ZNF197: variants seen among roughly 807,000 people sequenced by gnomAD.
ZNF197 encodes the protein zinc finger protein 197, also known as VHL-associated KRAB-A domain-containing protein.
ZNF197 carries 14 observed loss-of-function variants against 27.4 expected under a neutral mutation model. The observed-to-expected ratio is 0.51, with a 90% CI of 0.34 to 0.80. The LOEUF (loss-of-function observed/expected upper bound fraction) is 0.80, where lower values mean the gene tolerates loss of function less well. ZNF197 is among the 30% of genes least tolerant of loss of function. ZNF197 has a pLI of 0.02. For synonymous variants in ZNF197, 415 were observed against 420.0 expected (o/e 0.99, Z 0.15); for missense variants, 1,090 against 1,222.6 (o/e 0.89, Z 1.62).
chr3:44,640,980 G>A lies in ZNF197; in HGVS notation c.770-920G>A, dbSNP rs560594951. ...CTCTCTCTGTTTAGATAGAAGAAAA[G>A]TATTGTTATATTCAAAGAGAAGATG... is the stretch of plus-strand genomic sequence containing the variant. On this transcript the variant is annotated intron_variant, in intron 5 of 5. Coordinates refer to ENST00000344387, the MANE Select transcript of ZNF197 (RefSeq NM_006991.5). The surrounding 1 kb of genome is among the most constrained non-coding windows in gnomAD (Gnocchi z 4.0). 2.6e-5 allele frequency among the ~76,000 whole-genome samples: 4 copies of A among 152,306 alleles called. No homozygotes were observed. The East Asian group carries it at 7.7e-4, about 29-fold the overall frequency.
Position 44,644,858 on chromosome 3 carries a change from A to T in ZNF197, c.*638A>T. The T allele has an allele frequency of 1.0e-6, 1 of 959,946 alleles. No individual in the cohort carries two copies. The highest frequency in any genetic ancestry group is 1.2e-6 in the Non-Finnish European group (1 of 806,756). The allele number at this position is 959,946 out of a possible 1,614,324, so 59.5% of individuals were successfully genotyped here. A position where few individuals can be genotyped will look rare whatever the true frequency, so the allele number is the denominator to read the frequency against. ...AACACGGGGAGACCCGTCTTTAGTAAATAAAAATAAATTTATTAATAAAAC... is the reference window on the plus strand; with the variant it reads ...AACACGGGGAGACCCGTCTTTAGTATATAAAAATAAATTTATTAATAAAAC... On this transcript the variant is annotated 3_prime_UTR_variant, in exon 6 of 6. Transcript: ENST00000344387.
At position 44,644,712 on chromosome 3, in the gene ZNF197, G is replaced by A; in HGVS notation, c.*492G>A. 4.1e-6 allele frequency: 4 copies of A among 986,048 alleles called. No individual in the cohort carries two copies. Among genetic ancestry groups the A allele is most frequent in the Non-Finnish European group, 4.8e-6 (4 of 830,488 alleles). The allele number at this position is 986,048 out of a possible 1,614,324, so 61.1% of individuals were successfully genotyped here. Reference sequence around the variant, plus strand: ...CAAATCTAATAACATAGTTGTAAATGAGAGCAACAATAAAAAGTAGACATG... The same window carrying A: ...CAAATCTAATAACATAGTTGTAAATAAGAGCAACAATAAAAAGTAGACATG... On this transcript the variant is annotated 3_prime_UTR_variant, in exon 6 of 6. Coordinates refer to ENST00000344387, the MANE Select transcript of ZNF197 (RefSeq NM_006991.5).
intron 5 of ZNF197, among the ~76,000 whole-genome samples, chr3:44,638,812 G>A (rs1407444705): frequency 6.6e-6 from 1 of 152,146 alleles, no homozygotes; most frequent in Non-Finnish European, 1.5e-5. Context: ...TCCTAATCCT[G>A]TTATCTCAGC....
chr3:44,632,493 G>A lies in ZNF197; in HGVS notation c.663G>A (p.Glu221=). The change falls in exon 5 of 6, where the codon GAG becomes GAA. Residue 221 remains glutamate, a synonymous_variant. Coordinates refer to ENST00000344387, the MANE Select transcript of ZNF197 (RefSeq NM_006991.5). The part of the protein sequence containing the change: ...AQPQELVMFE[E]VSVCFTSEEW... ...TTCAGGAGTTGGTGATGTTCGAGGA[G>A]GTGTCAGTATGCTTCACTTCAGAGG... 2.5e-6 allele frequency: 4 copies of A among 1,603,442 alleles called. No individual in the cohort carries two copies. The highest frequency in any genetic ancestry group is 2.6e-6 in the Non-Finnish European group (3 of 1,175,776).
Position 44,642,032 on chromosome 3 carries a change from G to C in ZNF197, c.902G>C (p.Cys301Ser), listed in dbSNP as rs142328665. 1 of 1,614,110 alleles carries C rather than the reference G, an allele frequency of 6.2e-7. No homozygotes were observed. Residue 301 changes from cysteine to serine, a missense_variant, in exon 6 of 6, where the codon TGT becomes TCT. Physicochemically the swap from Cys to Ser is moderately radical, Grantham distance 112. Transcript: ENST00000344387. ...VPQVLDFEEE[C>S]EWQVLASQWG... ...CAGGTCCTTGATTTTGAAGAAGAGT[G>C]TGAATGGCAAGTTTTGGCAAGTCAG...
Position 44,644,988 on chromosome 3 carries a change from C to T in ZNF197, c.*768C>T. The T allele has an allele frequency of 6.1e-6, 6 of 985,408 alleles. No homozygotes were observed. The highest frequency in any genetic ancestry group is 7.2e-6 in the Non-Finnish European group (6 of 829,946). 61.0% of individuals were successfully genotyped at this position (985,408 alleles called of 1,614,324 possible). On this transcript the variant is annotated 3_prime_UTR_variant, in exon 6 of 6. Transcript: ENST00000344387. ...GGAAAACCTGAACAGACAGTATGAT[C>T]CAGAATGTCAGGTGTGGAGTTGGGC...
Position 44,644,572 on chromosome 3 carries a change from G to T in ZNF197, c.*352G>T. ...AGAGTCGCTTGAACCTGGGAGGGCGGAGGTTGCAGTGAGCCAGGATCGCGC... is the reference window on the plus strand; with the variant it reads ...AGAGTCGCTTGAACCTGGGAGGGCGTAGGTTGCAGTGAGCCAGGATCGCGC... On this transcript the variant is annotated 3_prime_UTR_variant, in exon 6 of 6. Coordinates refer to ENST00000344387, the MANE Select transcript of ZNF197 (RefSeq NM_006991.5). The T allele has an allele frequency of 1.0e-6, 1 of 957,990 alleles. No individual in the cohort carries two copies. The highest frequency in any genetic ancestry group is 1.2e-6 in the Non-Finnish European group (1 of 801,234). 59.3% of individuals were successfully genotyped at this position (957,990 alleles called of 1,614,324 possible).
chr3:44,630,086 G>A (rs891644341), intron 2 of ZNF197, among the ~76,000 whole-genome samples: 2 of 151,986 alleles, frequency 1.3e-5, no homozygotes, highest in African/African-American at 4.8e-5. Context: ...ATGTAGTGGC[G>A]AGTGCCTATA....
Position 44,646,544 on chromosome 3 carries a change from G to A in ZNF197, c.*2324G>A. On this transcript the variant is annotated 3_prime_UTR_variant, in exon 6 of 6. Coordinates refer to ENST00000344387, the MANE Select transcript of ZNF197 (RefSeq NM_006991.5). ...CAAATAAAAGACACCACGAGAAACA[G>A]ACACATCCAGAACGTGGAATATTGC... 7.9e-7 allele frequency: 1 copy of A among 1,260,384 alleles called. No homozygotes were observed. The highest frequency in any genetic ancestry group is 1.2e-5 in the South Asian group (1 of 83,960). The allele number at this position is 1,260,384 out of a possible 1,614,324, so 78.1% of individuals were successfully genotyped here. A position where few individuals can be genotyped will look rare whatever the true frequency, so the allele number is the denominator to read the frequency against.
rs1161182791 is a variant in ZNF197 at position 44,644,186 on chromosome 3, C to A, written c.3056C>A (p.Thr1019Asn). 1 of 1,608,652 alleles carries A rather than the reference C, an allele frequency of 6.2e-7. No homozygotes were observed. Among genetic ancestry groups the A allele is most frequent in the Admixed American group, 1.7e-5 (1 of 58,860 alleles). ...GAGGAATTCTCTTGGCTACAAAACACCAATGAGTCCAAGATTGAGATTCAG... is the reference window on the plus strand; with the variant it reads ...GAGGAATTCTCTTGGCTACAAAACAACAATGAGTCCAAGATTGAGATTCAG... ...TIEEFSWLQN[T>N]NESKIEIQKI The change falls in exon 6 of 6, where the codon ACC (threonine) becomes AAC (asparagine). Residue 1019 changes from threonine (T) to asparagine (N), a missense_variant. Coordinates refer to ENST00000344387, the MANE Select transcript of ZNF197 (RefSeq NM_006991.5).
At chr3:44,639,338 A>G (rs1702472927) in intron 5 of ZNF197, among the ~76,000 whole-genome samples, 1 of 152,060 alleles carries the variant, frequency 6.6e-6, no homozygotes, top group East Asian at 1.9e-4. Context: ...GGCTTCATAG[A>G]ATTAGTTGGG....
Position 44,644,215 on chromosome 3 carries a change from A to G in ZNF197, c.3085A>G (p.Ile1029Val). 1 of 1,584,540 alleles carries G rather than the reference A, an allele frequency of 6.3e-7. No homozygotes were observed. Among genetic ancestry groups the G allele is most frequent in the Non-Finnish European group, 8.6e-7 (1 of 1,168,438 alleles). Reference sequence around the variant, plus strand: ...TGAGTCCAAGATTGAGATTCAGAAAATCTAGTGTCATATGTAAAATGGAAT... The same window carrying G: ...TGAGTCCAAGATTGAGATTCAGAAAGTCTAGTGTCATATGTAAAATGGAAT... ...TNESKIEIQK[I>V] The change falls in exon 6 of 6, where the codon ATC (isoleucine) becomes GTC (valine). Residue 1029 changes from isoleucine (I) to valine (V), a missense_variant. Physicochemically the swap from Ile to Val is conservative, Grantham distance 29 (BLOSUM62 3). Transcript: ENST00000344387.
Position 44,644,126 on chromosome 3 carries a change from C to T in ZNF197, c.2996C>T (p.Ser999Phe). 2 of 1,614,080 alleles carry T rather than the reference C, an allele frequency of 1.2e-6. No homozygotes were observed. The highest frequency in any genetic ancestry group is 1.7e-6 in the Non-Finnish European group (2 of 1,180,002). ...DVSEKEFSQT[S>F]NLHLQQKIHT... ...TCTGAAAAAGAATTCTCTCAGACTTCCAACCTTCATCTTCAACAGAAAATC... is the reference window on the plus strand; with the variant it reads ...TCTGAAAAAGAATTCTCTCAGACTTTCAACCTTCATCTTCAACAGAAAATC... Residue 999 changes from serine to phenylalanine, a missense_variant, in exon 6 of 6, where the codon TCC (serine) becomes TTC (phenylalanine). Physicochemically the swap from Ser to Phe is radical, Grantham distance 155. Transcript: ENST00000344387.
chr3:44,632,989 C>A (rs1702096264), intron 5 of ZNF197, among the ~76,000 whole-genome samples: 1 of 152,194 alleles, frequency 6.6e-6, no homozygotes, highest in Admixed American at 6.5e-5. Flanking sequence ...TCATCTGTCT[C>A]TGTGCCTAAG....
intron 3 of ZNF197, among the ~76,000 whole-genome samples, chr3:44,631,686 C>A (rs1009327005): frequency 6.6e-6 from 1 of 151,496 alleles, no homozygotes; most frequent in Non-Finnish European, 1.5e-5. Flanking sequence ...CAGGTGTGAG[C>A]CACTGCACCC....
At chr3:44,630,411 TTC>T (rs377482635) in intron 2 of ZNF197, among the ~76,000 whole-genome samples, 126 of 152,334 alleles carry the variant, frequency 8.3e-4, no homozygotes, top group Non-Finnish European at 1.4e-3. Context: ...TGTGTGAGAT[TTC>T]TTTTTGTACA....
chr3:44,630,511 TTAA>T (rs947248743), intron 2 of ZNF197, among the ~76,000 whole-genome samples: 3 of 152,206 alleles, frequency 2.0e-5, no homozygotes, highest in Non-Finnish European at 2.9e-5. Flanking sequence ...CTTGTTTCTT[TTAA>T]TAATAACGTG....
rs896778834 is a variant in ZNF197, at chr3:44,629,256, C to T, written c.102C>T (p.Ser34=). The stretch of plus-strand genomic sequence containing the variant: ...GGGGAACCAGCTTCCAAGGAAGTAG[C>T]TCCTCTGTTTGGGAGACCTCCCACC... The part of the protein sequence containing the change: ...WKWGTSFQGS[S]SSVWETSHLH... The change falls in exon 2 of 6, where the codon AGC becomes AGT. Residue 34 remains serine, a synonymous_variant. Coordinates refer to ENST00000344387, the MANE Select transcript of ZNF197 (RefSeq NM_006991.5). The T allele has an allele frequency of 6.2e-7, 1 of 1,614,152 alleles. No homozygotes were observed. The highest frequency in any genetic ancestry group is 2.2e-5 in the East Asian group (1 of 44,878).
intron 3 of ZNF197, 109 bp downstream of exon 3, chr3:44,631,330 A>G (rs1220416999): frequency 1.1e-5 from 15 of 1,364,962 alleles, no homozygotes; most frequent in Non-Finnish European, 1.5e-5. Flanking sequence ...GGAGTCTCTT[A>G]CAGTGCCAAT....
Sources: allele counts gnomAD v4.1 joint callset (sites outside exome capture counted in the v4.1 genomes callset), GRCh38; gene constraint gnomAD v4.1.1; non-coding constraint Gnocchi (gnomAD v3.1); transcripts MANE v1.5; gene names NCBI Gene and HGNC (gene_info 2026-07-23, HGNC 2026-07-21).